The following SEC24B variants were observed in gnomAD, a reference collection of about 807,000 sequenced individuals.
SEC24B encodes protein transport protein Sec24B.
Under a neutral mutation model 142.8 loss-of-function variants are expected in SEC24B, and 45 were observed. The ratio of observed to expected loss-of-function variants is 0.32; its 90% confidence interval spans 0.25 to 0.40. The LOEUF (loss-of-function observed/expected upper bound fraction) is 0.40. Ranked by LOEUF, SEC24B falls within the 10% of genes least tolerant of loss-of-function variation. The probability of loss-of-function intolerance (pLI) is 1.00; values close to 1 mark genes in which losing one functional copy is unlikely to be tolerated. For synonymous variants in SEC24B, 574 were observed against 568.2 expected, an observed-to-expected ratio of 1.01 and a Z score of -0.15; for missense variants, 1,409 against 1,526.8, an observed-to-expected ratio of 0.92 and a Z score of 1.29.
At chr4:109,499,963 A>G (rs1469281582) in intron 6 of SEC24B, among the ~76,000 whole-genome samples, 3 of 152,202 alleles carry the variant, frequency 2.0e-5, no homozygotes, top group African/African-American at 7.2e-5. Flanking sequence ...AGCTCCTTAC[A>G]TGTTATTACA....
At chr4:109,496,959 T>C (rs570636477) in intron 6 of SEC24B, among the ~76,000 whole-genome samples, 2 of 152,366 alleles carry the variant, frequency 1.3e-5, no homozygotes, top group African/African-American at 4.8e-5. Flanking sequence ...CTTGGGAGTG[T>C]TGAGCAAGGA....
At chr4:109,480,120 T>C (rs1010570016) in intron 3 of SEC24B, among the ~76,000 whole-genome samples, 3 of 152,238 alleles carry the variant, frequency 2.0e-5, no homozygotes, top group African/African-American at 7.2e-5. Context: ...CTAGCAGATT[T>C]TTCCATGACT....
intron 2 of SEC24B, among the ~76,000 whole-genome samples, chr4:109,465,846 A>T (rs1232320322): frequency 6.6e-6 from 1 of 152,158 alleles, no homozygotes; most frequent in Non-Finnish European, 1.5e-5. Flanking sequence ...TGGGTCCTGT[A>T]GGCAGAGAGG....
intron 1 of SEC24B, among the ~76,000 whole-genome samples, chr4:109,437,388 A>C (rs1223792031): frequency 1.3e-5 from 2 of 151,984 alleles, no homozygotes; most frequent in African/African-American, 4.8e-5. Context: ...GGCTCAAGTG[A>C]TCCTCCTGCC....
intron 14 of SEC24B, 108 bp downstream of exon 14, chr4:109,521,734 T>G (rs1209186437): frequency 1.1e-6 from 1 of 912,282 alleles, no homozygotes; most frequent in East Asian, 2.7e-5. Flanking sequence ...TTTTGTTTGT[T>G]TTTTGTTTCT....
At chr4:109,517,509 C>G (rs1723069725) in intron 11 of SEC24B, among the ~76,000 whole-genome samples, 1 of 152,058 alleles carries the variant, frequency 6.6e-6, no homozygotes, top group South Asian at 2.1e-4. Flanking sequence ...GGAATAAGTT[C>G]AAGAGATCTG....
rs369663002 is a variant in SEC24B at position 109,473,232 on chromosome 4, G to A, written c.1060+46G>A. 3.7e-5 allele frequency: 47 copies of A among 1,262,494 alleles called. No homozygotes were observed. The Middle Eastern group carries it at 6.0e-4, about 16-fold the overall frequency. 78.2% of individuals were successfully genotyped at this position (1,262,494 alleles called of 1,614,324 possible). On this transcript the variant is annotated intron_variant, in intron 3 of 23. Transcript: ENST00000265175. ...TGTATATGCACACAGACACACATAC[G>A]TATTTATAGAAGATATGAAAAAAAG...
chr4:109,467,195 G>T (rs13125368), intron 2 of SEC24B, among the ~76,000 whole-genome samples: 1 of 150,848 alleles, frequency 6.6e-6, no homozygotes, highest in Admixed American at 6.6e-5. Flanking sequence ...GCGTGGTAGC[G>T]GGCGCCTGTA....
chr4:109,506,351 A>G lies in SEC24B; in HGVS notation c.1512A>G (p.Leu504=). The change falls in exon 7 of 24, where the codon CTA becomes CTG. Residue 504 remains leucine, a synonymous_variant. Coordinates refer to ENST00000265175, the MANE Select transcript of SEC24B (RefSeq NM_006323.5). Reference sequence around the variant, plus strand: ...AGCAGTATCCTGGTGTGAACCAGCTATCCTCCAGTATAGGAGGATTGAGTC... The same window carrying G: ...AGCAGTATCCTGGTGTGAACCAGCTGTCCTCCAGTATAGGAGGATTGAGTC... ...YPQQYPGVNQ[L]SSSIGGLSLQ... is the part of the protein sequence containing the mutation. 1 of 1,575,604 alleles carries G rather than the reference A, an allele frequency of 6.3e-7. No individual in the cohort carries two copies. The highest frequency in any genetic ancestry group is 8.6e-7 in the Non-Finnish European group (1 of 1,163,760).
intron 2 of SEC24B, among the ~76,000 whole-genome samples, chr4:109,471,736 C>G (rs1412511436): frequency 6.6e-6 from 1 of 152,062 alleles, no homozygotes; most frequent in African/African-American, 2.4e-5. Flanking sequence ...ACTAGGGTTC[C>G]TATGTTTTTC....
intron 6 of SEC24B, among the ~76,000 whole-genome samples, chr4:109,501,098 T>G (rs535000543): frequency 1.3e-5 from 2 of 152,206 alleles, no homozygotes; most frequent in Non-Finnish European, 2.9e-5. Context: ...TCCTGTAAGC[T>G]CCATTCATAC....
At chr4:109,518,809 T>C (rs1343963370) in intron 11 of SEC24B, among the ~76,000 whole-genome samples, 2 of 148,038 alleles carry the variant, frequency 1.4e-5, no homozygotes, top group Non-Finnish European at 3.0e-5. Flanking sequence ...CTGTCTTTTT[T>C]TTTTTTTTTT....
chr4:109,522,034 T>C (rs10155127), intron 14 of SEC24B, among the ~76,000 whole-genome samples: 1 of 147,232 alleles, frequency 6.8e-6, no homozygotes, highest in African/African-American at 2.5e-5. Flanking sequence ...CCCGGCTGCC[T>C]GAGAGTTTTT....
At chr4:109,535,448 C>T (rs889937965) in intron 22 of SEC24B, among the ~76,000 whole-genome samples, 9 of 151,644 alleles carry the variant, frequency 5.9e-5, no homozygotes, top group South Asian at 2.1e-4. Context: ...CCCAGCTACT[C>T]GGGAGGCTGA....
chr4:109,466,622 G>A (rs1336193586), intron 2 of SEC24B, among the ~76,000 whole-genome samples: 1 of 152,150 alleles, frequency 6.6e-6, no homozygotes, highest in East Asian at 1.9e-4. Context: ...ATGTTGGCCA[G>A]GATGGTCTTG....
chr4:109,525,904 G>T (rs1289407479), intron 16 of SEC24B, among the ~76,000 whole-genome samples: 2 of 151,888 alleles, frequency 1.3e-5, no homozygotes, highest in Non-Finnish European at 2.9e-5. Context: ...TTTAAATCTA[G>T]GATGAGTTAT....
At chr4:109,469,362 A>G (rs577339319) in intron 2 of SEC24B, among the ~76,000 whole-genome samples, 3 of 152,144 alleles carry the variant, frequency 2.0e-5, no homozygotes, top group South Asian at 2.1e-4. Flanking sequence ...ACTATGTTCC[A>G]TGAGTTGTTC....
At chr4:109,489,824 G>A (rs1481977511) in intron 4 of SEC24B, among the ~76,000 whole-genome samples, 4 of 151,066 alleles carry the variant, frequency 2.6e-5, no homozygotes, top group Non-Finnish European at 3.0e-5. Flanking sequence ...ACCATATTTT[G>A]TTTATCCATT....
chr4:109,468,666 A>G (rs1266182315), intron 2 of SEC24B, among the ~76,000 whole-genome samples: 6 of 152,182 alleles, frequency 3.9e-5, no homozygotes, highest in African/African-American at 7.2e-5. Flanking sequence ...AATTATTACA[A>G]TTATCTAGGT....
Sources: gnomAD v4.1 joint callset for allele counts (sites outside exome capture counted in the v4.1 genomes callset) on GRCh38, gnomAD v4.1.1 for gene constraint, MANE v1.5 for transcripts, NCBI Gene and HGNC (gene_info 2026-07-23, HGNC 2026-07-21) for gene names.